Variants in CXXC5 observed in about 807,000 individuals in gnomAD.
The protein encoded by CXXC5 is CXXC-type zinc finger protein 5.
In CXXC5, 2 loss-of-function variants were observed where a neutral mutation model predicts 17.6. The observed-to-expected ratio is 0.11, with a 90% CI of 0.05 to 0.36. The LOEUF is 0.36. Among genes scored for constraint, CXXC5 ranks in the 10% least tolerant of loss-of-function variants. CXXC5 has a pLI of 1.00. For synonymous variants in CXXC5, 171 were observed against 193.0 expected, an observed-to-expected ratio of 0.89 and a Z score of 0.94; for missense variants, 343 against 458.3, an observed-to-expected ratio of 0.75 and a Z score of 2.30.
At chr5:139,650,765 G>C (rs1755126474) in intron 1 of CXXC5, among the ~76,000 whole-genome samples, 1 of 152,194 alleles carries the variant, frequency 6.6e-6, no homozygotes, top group Admixed American at 6.5e-5. Context: ...ACCGGGAACT[G>C]AGACCGAAGC....
Position 139,658,019 on chromosome 5 carries a change from C to T in CXXC5, c.-161+9174C>T, listed in dbSNP as rs562040429. ...GTGCCAGGAGGAGGTGGCCTGTCCC[C>T]TAGGACTAGACCAGCTTCTCTCCAG... On this transcript the variant is annotated intron_variant, in intron 1 of 2. Transcript: ENST00000302517. This position sits in a 1 kb window ranked among gnomAD's most constrained non-coding sequence, Gnocchi z 4.1. Among the ~76,000 whole-genome samples the T allele has an allele frequency of 6.6e-6, 1 of 152,268 alleles. No individual in the cohort carries two copies. Among genetic ancestry groups the T allele is most frequent in the African/African-American group, 2.4e-5 (1 of 41,552 alleles).
At chr5:139,660,806 G>C (rs1199412012) in intron 1 of CXXC5, among the ~76,000 whole-genome samples, 1 of 150,290 alleles carries the variant, frequency 6.7e-6, no homozygotes, top group African/African-American at 2.5e-5. Context: ...GGGTTGGGGG[G>C]AGTACACAGA....
At chr5:139,652,649 C>A (rs1237901375) in intron 1 of CXXC5, among the ~76,000 whole-genome samples, 1 of 152,148 alleles carries the variant, frequency 6.6e-6, no homozygotes, top group Non-Finnish European at 1.5e-5. Flanking sequence ...TCTGAACATA[C>A]ATGGATTTAT....
chr5:139,683,062 T>C lies in CXXC5; in HGVS notation c.*155T>C. ...TTCCTGTTTTTATATATATATTTTT[T>C]GTTGTCGTTTTAACATCTCCACGTC... On this transcript the variant is annotated 3_prime_UTR_variant, in exon 3 of 3. Coordinates refer to ENST00000302517, the MANE Select transcript of CXXC5 (RefSeq NM_016463.9). 1 of 589,650 alleles carries C rather than the reference T, an allele frequency of 1.7e-6. No homozygotes were observed. Among genetic ancestry groups the C allele is most frequent in the East Asian group, 3.5e-5 (1 of 28,746 alleles). 36.5% of individuals were successfully genotyped at this position (589,650 alleles called of 1,614,324 possible). A position where few individuals can be genotyped will look rare whatever the true frequency, so the allele number is the denominator to read the frequency against.
rs531721990 is a variant in CXXC5, at chr5:139,683,424, G to C, written c.*517G>C. The stretch of plus-strand genomic sequence containing the variant: ...TGGAGAATCCACTCACGTTCATAAA[G>C]AGAATGTTGATGGCGCCGTGTAGAA... On this transcript the variant is annotated 3_prime_UTR_variant, in exon 3 of 3. Coordinates refer to ENST00000302517, the MANE Select transcript of CXXC5 (RefSeq NM_016463.9). 5 of 152,570 alleles carry C rather than the reference G, an allele frequency of 3.3e-5. No homozygotes were observed. Among genetic ancestry groups the C allele is most frequent in the African/African-American group, 1.2e-4 (5 of 41,566 alleles). The allele number at this position is 152,570 out of a possible 1,614,324, so 9.5% of individuals were successfully genotyped here. A position where few individuals can be genotyped will look rare whatever the true frequency, so the allele number is the denominator to read the frequency against.
intron 1 of CXXC5, among the ~76,000 whole-genome samples, chr5:139,653,750 C>T (rs1386158018): frequency 6.6e-6 from 1 of 152,146 alleles, no homozygotes; most frequent in African/African-American, 2.4e-5. Flanking sequence ...CGCTCCAGCC[C>T]CTGTAATTGC....
At chr5:139,672,505 C>T (rs1037205777) in intron 1 of CXXC5, among the ~76,000 whole-genome samples, 1 of 152,244 alleles carries the variant, frequency 6.6e-6, no homozygotes, top group Non-Finnish European at 1.5e-5. Flanking sequence ...ACCTCTTCTA[C>T]GGTTCAGTCT....
In CXXC5 at chr5:139,670,046, C is replaced by T. The variant is rs911182702; in HGVS notation, c.-160-10318C>T. Among the ~76,000 whole-genome samples the T allele has an allele frequency of 2.6e-5, 4 of 152,350 alleles. No homozygotes were observed. The East Asian group carries it at 7.7e-4, about 29-fold the overall frequency. On this transcript the variant is annotated intron_variant, in intron 1 of 2. Transcript: ENST00000302517. This position sits in a 1 kb window ranked among gnomAD's most constrained non-coding sequence, Gnocchi z 4.2. ...GTTCTGCAGCACTGTGGCGGCGGCTCCTCTCCAGGCGCCCAGCTGTGGCAT... is the reference window on the plus strand; with the variant it reads ...GTTCTGCAGCACTGTGGCGGCGGCTTCTCTCCAGGCGCCCAGCTGTGGCAT...
chr5:139,667,457 G>C (rs1423592778), intron 1 of CXXC5, among the ~76,000 whole-genome samples: 2 of 152,212 alleles, frequency 1.3e-5, no homozygotes, highest in Non-Finnish European at 2.9e-5. Flanking sequence ...TGGGGGCATA[G>C]GGCTCTTGTG....
Position 139,681,452 on chromosome 5 carries a change from C to CG in CXXC5, c.924+7dup, listed in dbSNP as rs746558988. ...AAGCCTTCCGCTGCTCTGGAGGTAA[C>CG]GGCGCCTTAGAGGGAGGTGTGTGGG... On this transcript the variant is annotated splice_donor_region_variant and intron_variant, in intron 2 of 2. Transcript: ENST00000302517. The CG allele has an allele frequency of 6.4e-7, 1 of 1,554,880 alleles. No homozygotes were observed. Among genetic ancestry groups the CG allele is most frequent in the Admixed American group, 1.8e-5 (1 of 54,342 alleles).
chr5:139,659,267 G>A (rs948339652), intron 1 of CXXC5, among the ~76,000 whole-genome samples: 1 of 152,160 alleles, frequency 6.6e-6, no homozygotes, highest in African/African-American at 2.4e-5. Context: ...GTGGGGGGAG[G>A]TAAGGAGCCG....
rs998723739 is a variant in CXXC5 at position 139,658,694 on chromosome 5, C to T, written c.-161+9849C>T. Among the ~76,000 whole-genome samples, 4 of 152,238 alleles carry T rather than the reference C, an allele frequency of 2.6e-5. No homozygotes were observed. In the East Asian group the frequency reaches 5.8e-4, roughly 22 times the overall value. ...TGCTTCCAGCAACAGCCGGCAGGGC[C>T]GGGCGGCTTCCCAGCTCCCCCTCTG... On this transcript the variant is annotated intron_variant, in intron 1 of 2. Transcript: ENST00000302517. This position sits in a 1 kb window ranked among gnomAD's most constrained non-coding sequence, Gnocchi z 4.1.
intron 1 of CXXC5, among the ~76,000 whole-genome samples, chr5:139,652,894 CTG>C (rs1755286102): frequency 6.6e-6 from 1 of 152,138 alleles, no homozygotes; most frequent in African/African-American, 2.4e-5. Context: ...GGATCTGACT[CTG>C]AGTAGAGTGT....
intron 2 of CXXC5, 142 bp from the exon 3 acceptor site, chr5:139,682,721 G>T: frequency 9.9e-6 from 8 of 806,438 alleles, no homozygotes; most frequent in Non-Finnish European, 1.4e-5. Flanking sequence ...TGGCTGGGGT[G>T]GCAGGAGCTC....
chr5:139,667,668 A>C (rs1218260300), intron 1 of CXXC5, among the ~76,000 whole-genome samples: 1 of 152,076 alleles, frequency 6.6e-6, no homozygotes, highest in Non-Finnish European at 1.5e-5. Context: ...GTGAATAGTC[A>C]GTCCTGTGCT....
intron 1 of CXXC5, among the ~76,000 whole-genome samples, chr5:139,673,831 A>T: frequency 7.4e-6 from 1 of 135,190 alleles, no homozygotes; most frequent in Non-Finnish European, 1.6e-5. Context: ...ACAGAGCAAG[A>T]CTCTTGTCAA....
chr5:139,659,183 C>T (rs769072416), intron 1 of CXXC5, among the ~76,000 whole-genome samples: 4 of 152,016 alleles, frequency 2.6e-5, no homozygotes, highest in African/African-American at 7.3e-5. Context: ...AGTGGCAGAT[C>T]GGCTGGGAGG....
intron 1 of CXXC5, among the ~76,000 whole-genome samples, chr5:139,652,304 C>A (rs1227853598): frequency 1.3e-5 from 2 of 152,080 alleles, no homozygotes; most frequent in Non-Finnish European, 2.9e-5. Flanking sequence ...GTTACTCACG[C>A]GCTACTGCCC....
rs577440852 is a variant in CXXC5 at position 139,671,838 on chromosome 5, A to C, written c.-160-8526A>C. Among the ~76,000 whole-genome samples the C allele has an allele frequency of 4.6e-5, 7 of 152,244 alleles. No homozygotes were observed. In the South Asian group the frequency reaches 1.0e-3, roughly 23 times the overall value. ...TTTAGCTGAAGTCTTCCTTCCCTCC[A>C]TGTGCTGTGGAACCCTCAGCCAGGG... On this transcript the variant is annotated intron_variant, in intron 1 of 2. Coordinates refer to ENST00000302517, the MANE Select transcript of CXXC5 (RefSeq NM_016463.9).
Sources: gnomAD v4.1 joint callset for allele counts (sites outside exome capture counted in the v4.1 genomes callset) on GRCh38, gnomAD v4.1.1 for gene constraint, Gnocchi (gnomAD v3.1) non-coding constraint, MANE v1.5 for transcripts, NCBI Gene and HGNC (gene_info 2026-07-23, HGNC 2026-07-21) for gene names.